SLC44A5: variants seen among roughly 807,000 people sequenced by gnomAD.
SLC44A5 encodes choline transporter-like protein 5.
SLC44A5 carries 57 observed loss-of-function variants against 101.8 expected under a neutral mutation model. The ratio of observed to expected loss-of-function variants is 0.56; its 90% CI spans 0.45 to 0.70. The LOEUF (loss-of-function observed/expected upper bound fraction) is 0.70, where lower values mean the gene tolerates loss of function less well. Among genes scored for constraint, SLC44A5 ranks in the 30% least tolerant of loss-of-function variants. The pLI is 0.00. For synonymous variants in SLC44A5, 281 were observed against 290.9 expected (o/e 0.97, Z 0.35); for missense variants, 737 against 853.1 (o/e 0.86, Z 1.70).
intron 1 of SLC44A5, among the ~76,000 whole-genome samples, chr1:75,578,618 G>A (rs2102061438): frequency 6.6e-6 from 1 of 152,306 alleles, no homozygotes; most frequent in South Asian, 2.1e-4. Context: ...AATGGTGGTT[G>A]ACAGGGGCTG....
the SLC44A5 span, among the ~76,000 whole-genome samples, chr1:75,706,167 C>A: frequency 2.0e-5 from 3 of 152,082 alleles, no homozygotes; most frequent in African/African-American, 7.2e-5. Flanking sequence ...TAATAAATTT[C>A]CCCTAAGTCC....
chr1:75,706,679 C>A, the SLC44A5 span, among the ~76,000 whole-genome samples: 1 of 152,120 alleles, frequency 6.6e-6, no homozygotes. Context: ...TTCTTGCAAG[C>A]AACATAGCTG....
chr1:75,705,367 A>G, the SLC44A5 span, among the ~76,000 whole-genome samples: 1 of 152,134 alleles, frequency 6.6e-6, no homozygotes, highest in East Asian at 1.9e-4. Flanking sequence ...ATATGATAAG[A>G]CTCACCTATT....
chr1:75,232,422 C>T (rs1243036338), intron 12 of SLC44A5, among the ~76,000 whole-genome samples: 1 of 152,024 alleles, frequency 6.6e-6, no homozygotes, highest in Non-Finnish European at 1.5e-5. Flanking sequence ...CAAGCAGGAA[C>T]ACAAAAACAA....
At chr1:75,543,997 T>A (rs934717885) in intron 1 of SLC44A5, among the ~76,000 whole-genome samples, 1 of 152,122 alleles carries the variant, frequency 6.6e-6, no homozygotes, top group South Asian at 2.1e-4. Context: ...TTGAAATAAT[T>A]TCAAACTTAC....
chr1:75,479,923 C>G (rs1667720589), intron 2 of SLC44A5, among the ~76,000 whole-genome samples: 1 of 152,162 alleles, frequency 6.6e-6, no homozygotes, highest in South Asian at 2.1e-4. Flanking sequence ...CATCCTGATA[C>G]CAAAGCCGGG....
chr1:75,701,450 TCAA>T, the SLC44A5 span, among the ~76,000 whole-genome samples: 2 of 152,130 alleles, frequency 1.3e-5, no homozygotes, highest in African/African-American at 2.4e-5. Flanking sequence ...TTGACAAAAT[TCAA>T]CAACACTTCA....
At chr1:75,336,967 T>C (rs1657492388) in intron 4 of SLC44A5, among the ~76,000 whole-genome samples, 2 of 152,186 alleles carry the variant, frequency 1.3e-5, no homozygotes, top group African/African-American at 4.8e-5. Context: ...ATCACACCAT[T>C]GGCATCTGAA....
At chr1:75,227,617 C>CT in intron 13 of SLC44A5, 109 bp downstream of exon 13, 1 of 770,716 alleles carries the variant, frequency 1.3e-6, no homozygotes, top group South Asian at 2.6e-5. Flanking sequence ...TTTTATGACA[C>CT]TAGTGATAAA....
chr1:75,286,721 T>C (rs935810989), intron 5 of SLC44A5, among the ~76,000 whole-genome samples: 1 of 152,158 alleles, frequency 6.6e-6, no homozygotes, highest in African/African-American at 2.4e-5. Context: ...GTATCTTTTT[T>C]TTTCATTTAT....
Position 75,544,329 on chromosome 1 carries a change from A to G in SLC44A5, c.-69-2813T>C, listed in dbSNP as rs151324287. 4.0e-4 allele frequency among the ~76,000 whole-genome samples: 61 copies of G among 152,328 alleles called. 1 individual carries two copies. The East Asian group carries it at 0.011, about 28-fold the overall frequency. On this transcript the variant is annotated intron_variant, in intron 1 of 23. Coordinates refer to ENST00000370859, the MANE Select transcript of SLC44A5 (RefSeq NM_001130058.2). Reference sequence around the variant, plus strand: ...CTTAGACTTCCCAGCCTTTAGAACTATAAGCCACTATGTTTCTGTTTATTA... The same window carrying G: ...CTTAGACTTCCCAGCCTTTAGAACTGTAAGCCACTATGTTTCTGTTTATTA...
the SLC44A5 span, among the ~76,000 whole-genome samples, chr1:75,690,931 C>T: frequency 6.6e-6 from 1 of 151,772 alleles, no homozygotes; most frequent in Non-Finnish European, 1.5e-5. Flanking sequence ...AGTTCAAGAC[C>T]AGCCTGGGTG....
chr1:75,614,205 T>C (rs1675771695), upstream of SLC44A5, among the ~76,000 whole-genome samples: 1 of 152,208 alleles, frequency 6.6e-6, no homozygotes, highest in Admixed American at 6.5e-5. Context: ...AATTATTTGA[T>C]ATTATGATAA....
chr1:75,416,242 A>G (rs547654968), intron 2 of SLC44A5, among the ~76,000 whole-genome samples: 2 of 152,228 alleles, frequency 1.3e-5, no homozygotes, highest in African/African-American at 4.8e-5. Flanking sequence ...TCTGTGTCCC[A>G]GCTGCTTTCA....
chr1:75,704,393 G>A, the SLC44A5 span, among the ~76,000 whole-genome samples: 4 of 152,002 alleles, frequency 2.6e-5, no homozygotes, highest in African/African-American at 9.7e-5. Context: ...GGAGGCTGAC[G>A]GGGGAGGACT....
chr1:75,556,139 A>G (rs1398629770), intron 1 of SLC44A5, among the ~76,000 whole-genome samples: 1 of 152,068 alleles, frequency 6.6e-6, no homozygotes, highest in African/African-American at 2.4e-5. Flanking sequence ...TGATATAGTT[A>G]TTATTTTTAT....
At chr1:75,569,389 A>C (rs1373715504) in intron 1 of SLC44A5, among the ~76,000 whole-genome samples, 3 of 151,718 alleles carry the variant, frequency 2.0e-5, no homozygotes, top group Admixed American at 6.6e-5. Context: ...CTACAGGTGC[A>C]TGCCAACATG....
intron 10 of SLC44A5, among the ~76,000 whole-genome samples, chr1:75,238,165 T>A (rs1648278862): frequency 6.6e-6 from 1 of 150,776 alleles, no homozygotes; most frequent in Non-Finnish European, 1.5e-5. Context: ...TTTCCTTTTT[T>A]TTTTTTTAAA....
intron 4 of SLC44A5, among the ~76,000 whole-genome samples, chr1:75,335,093 A>C (rs11163154): frequency 0.31 from 47,088 of 152,088 alleles, 8,897 homozygotes; most frequent in East Asian, 0.82. Flanking sequence ...ATCAGCTCCA[A>C]ATGCTTTAGC....
Sources: allele counts gnomAD v4.1 joint callset (sites outside exome capture counted in the v4.1 genomes callset), GRCh38; gene constraint gnomAD v4.1.1; transcripts MANE v1.5; gene names NCBI Gene and HGNC (gene_info 2026-07-23, HGNC 2026-07-21).